Variants in RUFY2 observed in about 807,000 individuals in gnomAD.
The protein encoded by RUFY2 is RUN and FYVE domain-containing protein 2.
Under a neutral mutation model 94.4 loss-of-function variants are expected in RUFY2, and 49 were observed. That is an observed-to-expected ratio of 0.52 (90% confidence interval 0.41 to 0.66). The LOEUF is 0.66. Ranked by LOEUF, RUFY2 falls within the 30% of genes least tolerant of loss-of-function variation. The pLI, the probability that RUFY2 is intolerant of heterozygous loss-of-function variation, is 0.00. For synonymous variants in RUFY2, 255 were observed against 235.7 expected (o/e 1.08, Z -0.75); for missense variants, 541 against 692.8 (o/e 0.78, Z 2.46).
downstream of RUFY2, chr10:68,341,471 T>A (rs1294476505): frequency 8.0e-6 from 8 of 994,354 alleles, no homozygotes; most frequent in Non-Finnish European, 1.2e-5. Context: ...TACTAGTAAT[T>A]AATAAGCATA....
At chr10:68,407,147 C>A (rs1564865735) in intron 1 of RUFY2, 39 bp downstream of exon 1, 2 of 1,501,828 alleles carry the variant, frequency 1.3e-6, no homozygotes, top group Admixed American at 4.5e-5. Context: ...CAGCCCGGGA[C>A]TGAGGGCCTA....
At chr10:68,391,256 C>A (rs545656212) in intron 7 of RUFY2, among the ~76,000 whole-genome samples, 82 of 151,942 alleles carry the variant, frequency 5.4e-4, no homozygotes, top group Admixed American at 2.4e-3. Context: ...ATATTGATTG[C>A]ATGTTGGAAG....
At chr10:68,405,763 G>A (rs1209424244) in intron 1 of RUFY2, 1 of 947,454 alleles carries the variant, frequency 1.1e-6, no homozygotes, top group Non-Finnish European at 1.3e-6. Context: ...TTGCATGACT[G>A]TTTTATTTTC....
In RUFY2 at chr10:68,364,101, T is replaced by C; in HGVS notation, c.1338A>G (p.Glu446=). ...ATTCCTTCTCAATCTTCAAGTCAGT[T>C]TCCAGTTGCACCCTTGAATGACAAA... The part of the protein sequence containing the change: ...SQKEKQLVQL[E]TDLKIEKEWR... Residue 446 remains glutamate, a synonymous_variant, in exon 14 of 18, where the codon GAA becomes GAG. Transcript: ENST00000602465. 6.2e-7 allele frequency: 1 copy of C among 1,612,524 alleles called. No individual in the cohort carries two copies. Among genetic ancestry groups the C allele is most frequent in the South Asian group, 1.1e-5 (1 of 90,724 alleles).
chr10:68,404,262 A>T (rs1438907151), intron 2 of RUFY2, among the ~76,000 whole-genome samples: 5 of 152,156 alleles, frequency 3.3e-5, no homozygotes, highest in Non-Finnish European at 5.9e-5. Flanking sequence ...ATATTTCTAC[A>T]TATGTTCGTG....
chr10:68,387,115 G>A (rs1383704753), intron 7 of RUFY2, among the ~76,000 whole-genome samples: 1 of 152,110 alleles, frequency 6.6e-6, no homozygotes, highest in Non-Finnish European at 1.5e-5. Flanking sequence ...CCGGCACTTT[G>A]GGAGGCTGAG....
chr10:68,379,383 G>A, intron 12 of RUFY2, 41 bp downstream of exon 12: 3 of 1,419,848 alleles, frequency 2.1e-6, no homozygotes, highest in Non-Finnish European at 2.9e-6. Flanking sequence ...AAAAAGGGAA[G>A]AAGAAAAGAA....
chr10:68,359,745 T>C (rs1053805778), intron 15 of RUFY2, among the ~76,000 whole-genome samples: 2 of 149,850 alleles, frequency 1.3e-5, no homozygotes, highest in African/African-American at 4.9e-5. Flanking sequence ...TGAGCCGAGA[T>C]TGCACCACTG....
intron 7 of RUFY2, among the ~76,000 whole-genome samples, chr10:68,390,547 T>C (rs916699780): frequency 6.6e-6 from 1 of 152,070 alleles, no homozygotes; most frequent in African/African-American, 2.4e-5. Flanking sequence ...TAGTCCAAAT[T>C]GAAATGTGCT....
intron 13 of RUFY2, among the ~76,000 whole-genome samples, chr10:68,373,899 C>G (rs7086181): frequency 0.11 from 16,516 of 151,250 alleles, 1,111 homozygotes; most frequent in South Asian, 0.25. Context: ...GAGCTCAGGA[C>G]TTCAAGATCA....
intron 5 of RUFY2, 75 bp downstream of exon 5, chr10:68,394,253 C>A: frequency 1.2e-6 from 2 of 1,604,210 alleles, no homozygotes; most frequent in South Asian, 1.1e-5. Context: ...TTTACAACTT[C>A]AAATGACACC....
intron 15 of RUFY2, among the ~76,000 whole-genome samples, chr10:68,360,265 C>A (rs1029508265): frequency 6.6e-6 from 1 of 151,494 alleles, no homozygotes; most frequent in Non-Finnish European, 1.5e-5. Context: ...TAGTGAGACC[C>A]CGCCTCCATA....
intron 3 of RUFY2, among the ~76,000 whole-genome samples, chr10:68,398,126 CAA>C (rs377600173): frequency 2.3e-4 from 15 of 65,052 alleles, no homozygotes; most frequent in African/African-American, 3.7e-4. Flanking sequence ...GATTTGTTCT[CAA>C]AAAAAAAAAA....
At chr10:68,371,131 CAA>C (rs58880698) in intron 13 of RUFY2, among the ~76,000 whole-genome samples, 9 of 59,144 alleles carry the variant, frequency 1.5e-4, no homozygotes, top group African/African-American at 3.4e-4. Flanking sequence ...GGCTCTGTCT[CAA>C]AAAAAAAAAA....
intron 16 of RUFY2, among the ~76,000 whole-genome samples, chr10:68,349,450 G>A (rs113198919): frequency 0.036 from 5,522 of 152,050 alleles, 315 homozygotes; most frequent in African/African-American, 0.13. Flanking sequence ...GAACCCAGAA[G>A]TTCAAGGTTA....
At chr10:68,369,377 A>G (rs578141668) in intron 13 of RUFY2, among the ~76,000 whole-genome samples, 1 of 150,980 alleles carries the variant, frequency 6.6e-6, no homozygotes, top group East Asian at 2.0e-4. Flanking sequence ...CCCAGCTACT[A>G]GGGGGGCTGA....
chr10:68,370,450 T>TC (rs2048183570), intron 13 of RUFY2, among the ~76,000 whole-genome samples: 1 of 139,674 alleles, frequency 7.2e-6, no homozygotes, highest in East Asian at 2.0e-4. Flanking sequence ...TCTTTTTTCT[T>TC]TTTTTTTTTT....
chr10:68,375,054 ATCCT>A (rs1486915725), intron 13 of RUFY2, among the ~76,000 whole-genome samples: 24 of 152,230 alleles, frequency 1.6e-4, no homozygotes, highest in African/African-American at 5.5e-4. Flanking sequence ...ATATACTAAC[ATCCT>A]TCCTGGTTGG....
At chr10:68,405,932 A>G (rs1314981009) in intron 1 of RUFY2, among the ~76,000 whole-genome samples, 1 of 151,774 alleles carries the variant, frequency 6.6e-6, no homozygotes, top group Non-Finnish European at 1.5e-5. Context: ...AGTATCATCA[A>G]GTAAGATATT....
Sources: gnomAD v4.1 joint callset for allele counts (sites outside exome capture counted in the v4.1 genomes callset) on GRCh38, gnomAD v4.1.1 for gene constraint, MANE v1.5 for transcripts, NCBI Gene and HGNC (gene_info 2026-07-23, HGNC 2026-07-21) for gene names.